Variants in EDRF1 observed in about 807,000 individuals in gnomAD.
EDRF1 encodes erythroid differentiation-related factor 1.
A neutral mutation model predicts 148.7 loss-of-function variants in EDRF1; 69 were observed. That is an observed-to-expected ratio of 0.46 (90% CI 0.38 to 0.57). The LOEUF is 0.57. Among genes scored for constraint, EDRF1 ranks in the 20% least tolerant of loss-of-function variants. The pLI is 0.00. For missense variants in EDRF1, 1,118 were observed against 1,478.7 expected (o/e 0.76, Z 4.00); for synonymous variants, 515 against 532.8 (o/e 0.97, Z 0.46).
Position 125,725,848 on chromosome 10 carries a change from T to TA in EDRF1, c.792+13dup. 1 of 1,611,900 alleles carries TA rather than the reference T, an allele frequency of 6.2e-7. No individual in the cohort carries two copies. The highest frequency in any genetic ancestry group is 8.5e-7 in the Non-Finnish European group (1 of 1,179,830). Reference sequence around the variant, plus strand: ...CAGTGCTTCCAGTCAGGTTAGTACTTAAATGCTAATTCTAGAAACTCACAT... The same window carrying TA: ...CAGTGCTTCCAGTCAGGTTAGTACTTAAAATGCTAATTCTAGAAACTCACAT... On this transcript the variant is annotated intron_variant, in intron 6 of 24. Coordinates refer to ENST00000356792, the MANE Select transcript of EDRF1 (RefSeq NM_001202438.2).
chr10:125,722,279 C>G (rs1465641744), intron 2 of EDRF1, among the ~76,000 whole-genome samples: 1 of 152,146 alleles, frequency 6.6e-6, no homozygotes, highest in African/African-American at 2.4e-5. Context: ...AATGCTGTGG[C>G]AAGTATTTAT....
At chr10:125,731,495 A>G (rs1391750007) in intron 9 of EDRF1, among the ~76,000 whole-genome samples, 3 of 152,226 alleles carry the variant, frequency 2.0e-5, no homozygotes, top group East Asian at 3.9e-4. Flanking sequence ...CACAGGATTT[A>G]TGTAGCAGAA....
intron 21 of EDRF1, 57 bp from the exon 22 acceptor site, chr10:125,749,355 G>A: frequency 3.7e-6 from 6 of 1,607,636 alleles, no homozygotes; most frequent in Non-Finnish European, 4.3e-6. Context: ...GAAGCACTTA[G>A]TGAAGCCTGA....
At position 125,719,748 on chromosome 10, in the gene EDRF1, C is replaced by G; in HGVS notation, c.-60C>G. 1.4e-6 allele frequency: 2 copies of G among 1,409,370 alleles called. No individual in the cohort carries two copies. Among genetic ancestry groups the G allele is most frequent in the Non-Finnish European group, 2.0e-6 (2 of 1,021,392 alleles). 87.3% of individuals were successfully genotyped at this position (1,409,370 alleles called of 1,614,324 possible). On this transcript the variant is annotated 5_prime_UTR_variant, in exon 1 of 25. Coordinates refer to ENST00000356792, the MANE Select transcript of EDRF1 (RefSeq NM_001202438.2). ...CTCTGGCGCTTACCCTGCTTTGGGC[C>G]TGCGTTGCTGCTGCTGCTCCTCCGC...
chr10:125,748,960 C>T (rs927850983), intron 21 of EDRF1: 23 of 229,532 alleles, frequency 1.0e-4, no homozygotes, highest in African/African-American at 4.8e-4. Flanking sequence ...CTTCCTAAGT[C>T]GAAGTGGAAA....
At position 125,755,966 on chromosome 10, in the gene EDRF1, C is replaced by T. The variant is rs76197033; in HGVS notation, c.3545+2121C>T. ...TCTTTTAAATGTCATCAATTTCTGCCGTTCATTTCCTTCCTTCTACTTGTT... is the reference window on the plus strand; with the variant it reads ...TCTTTTAAATGTCATCAATTTCTGCTGTTCATTTCCTTCCTTCTACTTGTT... On this transcript the variant is annotated intron_variant, in intron 24 of 24. Transcript: ENST00000356792. 1.9e-4 allele frequency among the ~76,000 whole-genome samples: 29 copies of T among 150,950 alleles called. No individual in the cohort carries two copies. In the South Asian group the frequency reaches 5.4e-3, roughly 28 times the overall value.
rs1366356695 is a variant in EDRF1, at chr10:125,763,607, A to C, written c.*135A>C. The C allele has an allele frequency of 9.7e-7, 1 of 1,034,180 alleles. No individual in the cohort carries two copies. The highest frequency in any genetic ancestry group is 1.4e-6 in the Non-Finnish European group (1 of 707,668). The allele number at this position is 1,034,180 out of a possible 1,614,324, so 64.1% of individuals were successfully genotyped here. ...GGTATATCAGTGGAAACACAGAGTT[A>C]TTTTAAGTGACAGACAAATTACGGT... On this transcript the variant is annotated 3_prime_UTR_variant, in exon 25 of 25. Coordinates refer to ENST00000356792, the MANE Select transcript of EDRF1 (RefSeq NM_001202438.2). The surrounding 1 kb of genome is among the most constrained non-coding windows in gnomAD (Gnocchi z 4.3).
At chr10:125,729,723 G>C (rs991675630) in intron 8 of EDRF1, among the ~76,000 whole-genome samples, 1 of 152,152 alleles carries the variant, frequency 6.6e-6, no homozygotes, top group Admixed American at 6.5e-5. Context: ...ATTAAGGAAG[G>C]AGCTACTGTC....
At chr10:125,741,700 A>T (rs910075293) in intron 17 of EDRF1, 1 of 172,048 alleles carries the variant, frequency 5.8e-6, no homozygotes, top group African/African-American at 2.4e-5. Context: ...TATTTTATTT[A>T]TTTATTTTTT....
In EDRF1 at chr10:125,753,784, C is replaced by T. The variant is rs768350211; in HGVS notation, c.3484C>T (p.Arg1162Trp). The T allele has an allele frequency of 1.9e-6, 3 of 1,613,760 alleles. No homozygotes were observed. Among genetic ancestry groups the T allele is most frequent in the Non-Finnish European group, 2.5e-6 (3 of 1,179,956 alleles). The change falls in exon 24 of 25, where the codon CGG becomes TGG. Residue 1162 changes from arginine to tryptophan, a missense_variant. Arg to Trp is a moderately radical substitution (Grantham distance 101). Transcript: ENST00000356792. ...VMKLLSIFES[R>W]LSFLLLQSIK... ...GAAACTCCTCAGTATATTTGAGTCT[C>T]GGTTGTCATTTCTTCTCCTTCAGTC...
intron 17 of EDRF1, chr10:125,741,474 T>A: frequency 4.7e-6 from 2 of 428,178 alleles, no homozygotes; most frequent in Non-Finnish European, 9.0e-6. Context: ...TGCGCCACCA[T>A]GCCCGGCTAG....
chr10:125,748,639 G>C (rs1437482017), intron 21 of EDRF1: 1 of 157,654 alleles, frequency 6.3e-6, no homozygotes, highest in Non-Finnish European at 1.4e-5. Flanking sequence ...TTTGGCATGA[G>C]TTTACTTCTG....
chr10:125,745,775 A>G lies in EDRF1; in HGVS notation c.2659A>G (p.Ile887Val), dbSNP rs752629670. Residue 887 changes from isoleucine to valine, a missense_variant, in exon 19 of 25, where the codon ATT becomes GTT. Transcript: ENST00000356792. ...KKSFSCFEKGIHNFESIEDAT... is the reference protein window; with the variant it reads ...KKSFSCFEKGVHNFESIEDAT... ...AAGCTTTTCTTGTTTTGAAAAGGGA[A>G]TTCACAACTTTGAATCAATTGAGGA... 14 of 1,614,252 alleles carry G rather than the reference A, an allele frequency of 8.7e-6. No homozygotes were observed. The Admixed American group carries it at 2.2e-4, about 25-fold the overall frequency.
chr10:125,745,619 C>G (rs1849311064), intron 18 of EDRF1, 88 bp from the exon 19 acceptor site: 2 of 1,383,148 alleles, frequency 1.4e-6, no homozygotes, highest in Non-Finnish European at 2.0e-6. Flanking sequence ...CCTGTCACTG[C>G]CATCCTCCTC....
rs762992802 is a variant in EDRF1, at chr10:125,719,936, G to A, written c.108+21G>A. The A allele has an allele frequency of 3.7e-6, 6 of 1,602,436 alleles. No individual in the cohort carries two copies. In the African/African-American group the frequency reaches 4.0e-5, roughly 11 times the overall value. ...CACAGGTGAGTCCTCCGCGGAGGGG[G>A]ACCTGCCAGGGATGTGGGAGCGGAG... On this transcript the variant is annotated intron_variant, in intron 1 of 24. Coordinates refer to ENST00000356792, the MANE Select transcript of EDRF1 (RefSeq NM_001202438.2).
At chr10:125,758,730 C>T (rs958369428) in intron 24 of EDRF1, among the ~76,000 whole-genome samples, 8 of 152,182 alleles carry the variant, frequency 5.3e-5, no homozygotes, top group Admixed American at 2.6e-4. Context: ...TATACTCTCA[C>T]AGTTCTTCCA....
chr10:125,734,250 C>T, intron 12 of EDRF1, 67 bp downstream of exon 12: 1 of 1,194,040 alleles, frequency 8.4e-7, no homozygotes, highest in South Asian at 1.2e-5. Flanking sequence ...GTTACCTAGA[C>T]AGTAAAGCCT....
rs776344422 is a variant in EDRF1, at chr10:125,747,530, T to C, written c.2815-6T>C. 5 of 1,614,034 alleles carry C rather than the reference T, an allele frequency of 3.1e-6. No homozygotes were observed. In the East Asian group the frequency reaches 1.1e-4, roughly 36 times the overall value. On this transcript the variant is annotated splice_region_variant and splice_polypyrimidine_tract_variant and intron_variant, in intron 19 of 24. Coordinates refer to ENST00000356792, the MANE Select transcript of EDRF1 (RefSeq NM_001202438.2). The stretch of plus-strand genomic sequence containing the variant: ...TCAGAAATGTACACTGTTTTCTCCT[T>C]TGCAGGCTATTGATTACTATTTGAA...
intron 24 of EDRF1, among the ~76,000 whole-genome samples, chr10:125,760,792 T>G (rs1229593711): frequency 6.6e-6 from 1 of 152,166 alleles, no homozygotes; most frequent in African/African-American, 2.4e-5. Context: ...CATCCACAGA[T>G]TCAACCAACC....
Sources: allele counts gnomAD v4.1 joint callset (sites outside exome capture counted in the v4.1 genomes callset), GRCh38; gene constraint gnomAD v4.1.1; non-coding constraint Gnocchi (gnomAD v3.1); transcripts MANE v1.5; gene names NCBI Gene and HGNC (gene_info 2026-07-23, HGNC 2026-07-21).